The following L3MBTL3 variants were observed in gnomAD, a reference collection of about 807,000 sequenced individuals.
L3MBTL3 encodes L3MBTL histone methyl-lysine binding protein 3, also known as lethal(3)malignant brain tumor-like protein 3.
Under a neutral mutation model 102.3 loss-of-function variants are expected in L3MBTL3, and 27 were observed. The observed-to-expected ratio is 0.26, with a 90% CI of 0.19 to 0.36. The LOEUF is 0.36. L3MBTL3 is among the 10% of genes least tolerant of loss of function. The pLI is 1.00. For synonymous variants in L3MBTL3, 340 were observed against 320.9 expected, an observed-to-expected ratio of 1.06 and a Z score of -0.64; for missense variants, 798 against 955.3, an observed-to-expected ratio of 0.84 and a Z score of 2.17.
intron 18 of L3MBTL3, among the ~76,000 whole-genome samples, chr6:130,096,826 G>A (rs889740558): frequency 9.9e-5 from 15 of 152,226 alleles, no homozygotes; most frequent in Non-Finnish European, 1.6e-4. Context: ...ACCCTTTCCA[G>A]TGGAATTAGA....
intron 14 of L3MBTL3, among the ~76,000 whole-genome samples, chr6:130,080,612 A>G (rs186903113): frequency 2.6e-5 from 4 of 152,238 alleles, no homozygotes; most frequent in Non-Finnish European, 4.4e-5. Flanking sequence ...ACATGAGGCA[A>G]AGAACCAAGC....
intron 19 of L3MBTL3, among the ~76,000 whole-genome samples, chr6:130,108,220 GTTTTTTTTTTGTT>G (rs1276652703): frequency 8.4e-6 from 1 of 118,706 alleles, no homozygotes. Context: ...ATGTTAGGTG[GTTTTTTTTTTGTT>G]TTTTTTTTTT....
intron 19 of L3MBTL3, among the ~76,000 whole-genome samples, chr6:130,108,159 C>T (rs774904386): frequency 1.9e-4 from 28 of 148,016 alleles, no homozygotes; most frequent in Admixed American, 4.1e-4. Context: ...ATGAAAAATG[C>T]AAATATGAAG....
intron 20 of L3MBTL3, among the ~76,000 whole-genome samples, chr6:130,131,482 A>T (rs1468274434): frequency 6.6e-6 from 1 of 152,192 alleles, no homozygotes; most frequent in Non-Finnish European, 1.5e-5. Context: ...TCTTTGGTAT[A>T]TGTGCAATGG....
At chr6:130,039,705 A>T (rs1260616411) in intron 2 of L3MBTL3, among the ~76,000 whole-genome samples, 1 of 152,106 alleles carries the variant, frequency 6.6e-6, no homozygotes, top group Non-Finnish European at 1.5e-5. Context: ...ATGAAATATA[A>T]TCACAGTTTC....
At chr6:130,127,033 T>G (rs945627241) in intron 20 of L3MBTL3, among the ~76,000 whole-genome samples, 7 of 152,146 alleles carry the variant, frequency 4.6e-5, no homozygotes, top group African/African-American at 1.7e-4. Context: ...TTTCTCTGAG[T>G]TCTGTGGGAG....
At chr6:130,039,820 G>T (rs1223260402) in intron 2 of L3MBTL3, among the ~76,000 whole-genome samples, 1 of 152,102 alleles carries the variant, frequency 6.6e-6, no homozygotes, top group African/African-American at 2.4e-5. Flanking sequence ...GGGTTGTTTT[G>T]CTTGAAGTAT....
chr6:130,060,155 G>A lies in L3MBTL3; in HGVS notation c.864+15G>A, dbSNP rs774248974. On this transcript the variant is annotated intron_variant, in intron 10 of 22. Transcript: ENST00000361794. ...CCGTCGCGGAGGTAAGCTTTGCCTC[G>A]TCCTTTATTTTTAAAATAAAATGGT... The A allele has an allele frequency of 9.0e-6, 13 of 1,450,816 alleles. No individual in the cohort carries two copies. The highest frequency in any genetic ancestry group is 1.8e-4 in the Middle Eastern group (1 of 5,618). The allele number at this position is 1,450,816 out of a possible 1,614,324, so 89.9% of individuals were successfully genotyped here. A position where few individuals can be genotyped will look rare whatever the true frequency, so the allele number is the denominator to read the frequency against.
chr6:130,080,415 A>G (rs952407824), intron 14 of L3MBTL3, among the ~76,000 whole-genome samples: 3 of 152,200 alleles, frequency 2.0e-5, no homozygotes, highest in Admixed American at 6.5e-5. Flanking sequence ...CTTTGCCACT[A>G]TCACCATCTA....
chr6:130,127,671 A>G (rs764304459), intron 20 of L3MBTL3, among the ~76,000 whole-genome samples: 47 of 152,138 alleles, frequency 3.1e-4, no homozygotes, highest in Non-Finnish European at 5.7e-4. Flanking sequence ...TATTTTTCTT[A>G]CTATTACTCC....
intron 7 of L3MBTL3, among the ~76,000 whole-genome samples, chr6:130,054,506 A>G (rs953371185): frequency 4.6e-5 from 7 of 152,232 alleles, no homozygotes; most frequent in Non-Finnish European, 8.8e-5. Context: ...TTGGGAATCA[A>G]TGTTAGAGGT....
chr6:130,075,299 C>G (rs1782879811), intron 13 of L3MBTL3, among the ~76,000 whole-genome samples: 1 of 152,004 alleles, frequency 6.6e-6, no homozygotes, highest in Non-Finnish European at 1.5e-5. Flanking sequence ...CTGGAGGGCT[C>G]TTGGGGAGGG....
chr6:130,036,208 G>A (rs192445701), intron 2 of L3MBTL3, among the ~76,000 whole-genome samples: 2 of 152,264 alleles, frequency 1.3e-5, no homozygotes, highest in East Asian at 1.9e-4. Context: ...GGAAGACTTG[G>A]GGTGACTTAG....
intron 19 of L3MBTL3, among the ~76,000 whole-genome samples, chr6:130,105,285 T>C (rs998632557): frequency 1.3e-5 from 2 of 152,200 alleles, no homozygotes; most frequent in Non-Finnish European, 2.9e-5. Context: ...ATTTCCGTTA[T>C]TCTGGATGAA....
Position 130,133,804 on chromosome 6 carries a change from G to A in L3MBTL3, c.2137-39G>A. On this transcript the variant is annotated intron_variant, in intron 21 of 22. Coordinates refer to ENST00000361794, the MANE Select transcript of L3MBTL3 (RefSeq NM_032438.4). The surrounding 1 kb of genome is among the most constrained non-coding windows in gnomAD (Gnocchi z 4.9). The stretch of plus-strand genomic sequence containing the variant: ...AACCTGTAGCATTTAGATTCTGACT[G>A]TGTTTTTTAACTGGGAATTTTGATA... 6.4e-7 allele frequency: 1 copy of A among 1,559,954 alleles called. No individual in the cohort carries two copies. Among genetic ancestry groups the A allele is most frequent in the Non-Finnish European group, 8.8e-7 (1 of 1,131,114 alleles).
At chr6:130,074,681 T>G (rs1273542704) in intron 13 of L3MBTL3, among the ~76,000 whole-genome samples, 1 of 152,218 alleles carries the variant, frequency 6.6e-6, no homozygotes, top group Non-Finnish European at 1.5e-5. Context: ...GTTATTTTCA[T>G]GTACCCTTGT....
intron 19 of L3MBTL3, among the ~76,000 whole-genome samples, chr6:130,114,852 C>T (rs112294893): frequency 0.018 from 2,692 of 152,172 alleles, 87 homozygotes; most frequent in African/African-American, 0.059. Context: ...TTTTATTTGC[C>T]ATCTTTTTCT....
intron 8 of L3MBTL3, among the ~76,000 whole-genome samples, chr6:130,056,702 T>C (rs11752200): frequency 0.57 from 85,674 of 151,320 alleles, 27,118 homozygotes; most frequent in East Asian, 0.76. Context: ...CTTTTTCACC[T>C]CAGATGAACT....
intron 22 of L3MBTL3, among the ~76,000 whole-genome samples, chr6:130,136,959 T>C (rs1787749226): frequency 6.6e-6 from 1 of 152,190 alleles, no homozygotes; most frequent in Non-Finnish European, 1.5e-5. Flanking sequence ...TTGGCTTACT[T>C]AGTATGTTTA....
Sources: allele counts gnomAD v4.1 joint callset (sites outside exome capture counted in the v4.1 genomes callset), GRCh38; gene constraint gnomAD v4.1.1; non-coding constraint Gnocchi (gnomAD v3.1); transcripts MANE v1.5; gene names NCBI Gene and HGNC (gene_info 2026-07-23, HGNC 2026-07-21).